Variants in SLC35F3 observed in about 807,000 individuals in gnomAD.
SLC35F3 encodes the protein solute carrier family 35 member F3.
Under a neutral mutation model 49.9 loss-of-function variants are expected in SLC35F3, and 25 were observed. The observed-to-expected ratio is 0.50, with a 90% CI of 0.37 to 0.70. SLC35F3 has a LOEUF of 0.70. SLC35F3 is among the 30% of genes least tolerant of loss of function. The pLI, the probability that SLC35F3 is intolerant of heterozygous loss-of-function variation, is 0.00. For missense variants in SLC35F3, 525 were observed against 639.8 expected (o/e 0.82, Z 1.94); for synonymous variants, 275 against 265.4 (o/e 1.04, Z -0.35).
chr1:234,111,236 T>G (rs1164840801), intron 2 of SLC35F3, among the ~76,000 whole-genome samples: 1 of 152,170 alleles, frequency 6.6e-6, no homozygotes, highest in Non-Finnish European at 1.5e-5. Flanking sequence ...TAGCTCCTGA[T>G]CTGTGTTCAT....
intron 2 of SLC35F3, among the ~76,000 whole-genome samples, chr1:234,099,584 T>G (rs1665183172): frequency 7.6e-6 from 1 of 132,268 alleles, no homozygotes; most frequent in African/African-American, 2.9e-5. Context: ...CACTCCAGCC[T>G]GGCAACAGAG....
intron 2 of SLC35F3, among the ~76,000 whole-genome samples, chr1:234,071,118 G>T (rs1664707278): frequency 1.3e-5 from 2 of 152,228 alleles, no homozygotes; most frequent in Non-Finnish European, 2.9e-5. Flanking sequence ...GGCCCTATGT[G>T]TGGAGAGGAC....
At chr1:234,200,560 A>G (rs944293420) in intron 2 of SLC35F3, among the ~76,000 whole-genome samples, 1 of 152,182 alleles carries the variant, frequency 6.6e-6, no homozygotes, top group African/African-American at 2.4e-5. Context: ...CACATTTTCC[A>G]AAAAACTTCC....
At chr1:234,205,556 C>G (rs1332621986) in intron 2 of SLC35F3, among the ~76,000 whole-genome samples, 1 of 152,178 alleles carries the variant, frequency 6.6e-6, no homozygotes, top group Non-Finnish European at 1.5e-5. Flanking sequence ...TGCTGGACTC[C>G]ACTAGGGCTC....
chr1:234,130,235 C>T (rs1665713833), intron 2 of SLC35F3, among the ~76,000 whole-genome samples: 1 of 152,084 alleles, frequency 6.6e-6, no homozygotes, highest in South Asian at 2.1e-4. Context: ...AATAAGTTAT[C>T]CAAATGGCCA....
Position 234,117,892 on chromosome 1 carries a change from GA to G in SLC35F3, c.284-113514del, listed in dbSNP as rs1230601740. Among the ~76,000 whole-genome samples the G allele has an allele frequency of 9.1e-4, 86 of 94,134 alleles. 3 individuals are homozygous for G. Among genetic ancestry groups the G allele is most frequent in the Non-Finnish European group, 1.2e-3 (57 of 46,376 alleles). 61.8% of individuals were successfully genotyped at this position (94,134 alleles called of 152,430 possible). A position where few individuals can be genotyped will look rare whatever the true frequency, so the allele number is the denominator to read the frequency against. On this transcript the variant is annotated intron_variant, in intron 2 of 7. Transcript: ENST00000366618. ...CAGAGTGAGACTCTGTCTCAAAAAA[GA>G]AAAAAAAAAAGACTATATATGTGTG...
At position 234,226,452 on chromosome 1, in the gene SLC35F3, T is replaced by G. The variant is rs115249151; in HGVS notation, c.284-4965T>G. On this transcript the variant is annotated intron_variant, in intron 2 of 7. Transcript: ENST00000366618. Reference sequence around the variant, plus strand: ...GGGGAAGCTCATAAAAGAAACATTATTGGTCTCTTGAAAGTTCAAAAGGGC... The same window carrying G: ...GGGGAAGCTCATAAAAGAAACATTAGTGGTCTCTTGAAAGTTCAAAAGGGC... Among the ~76,000 whole-genome samples the G allele has an allele frequency of 4.3e-3, 648 of 152,060 alleles. 3 individuals carry two copies. Among genetic ancestry groups the G allele is most frequent in the South Asian group, 0.011 (52 of 4,806 alleles).
intron 2 of SLC35F3, among the ~76,000 whole-genome samples, chr1:234,154,127 T>G (rs1666117032): frequency 1.3e-5 from 2 of 151,570 alleles, no homozygotes; most frequent in African/African-American, 4.8e-5. Flanking sequence ...TCCCAGCTAC[T>G]TAGGAGGCTG....
At chr1:234,120,890 A>G (rs776138322) in intron 2 of SLC35F3, among the ~76,000 whole-genome samples, 2 of 152,186 alleles carry the variant, frequency 1.3e-5, no homozygotes, top group African/African-American at 4.8e-5. Flanking sequence ...GCTAAATCTA[A>G]TCAATTCTCA....
At chr1:234,232,536 A>AAAAAG (rs1445546074) in intron 3 of SLC35F3, among the ~76,000 whole-genome samples, 6 of 138,542 alleles carry the variant, frequency 4.3e-5, no homozygotes, top group African/African-American at 7.7e-5. Context: ...AAAAAAAAAA[A>AAAAAG]AAAAGAAAAA....
chr1:233,955,139 A>C (rs367853969), intron 2 of SLC35F3, among the ~76,000 whole-genome samples: 1 of 152,104 alleles, frequency 6.6e-6, no homozygotes, highest in Non-Finnish European at 1.5e-5. Flanking sequence ...CCACCGCACC[A>C]GGCCAGTCTT....
intron 3 of SLC35F3, among the ~76,000 whole-genome samples, chr1:234,281,100 T>G (rs903734935): frequency 6.6e-6 from 1 of 151,720 alleles, no homozygotes; most frequent in African/African-American, 2.4e-5. Context: ...CATGCTCAAA[T>G]TCATATGCTG....
intron 2 of SLC35F3, among the ~76,000 whole-genome samples, chr1:233,931,823 A>G (rs1460309288): frequency 2.0e-5 from 3 of 152,204 alleles, no homozygotes; most frequent in Non-Finnish European, 4.4e-5. Flanking sequence ...AAATCATGCT[A>G]CTATAAAGAC....
At chr1:234,242,279 G>C (rs774913709) in intron 3 of SLC35F3, among the ~76,000 whole-genome samples, 2 of 152,174 alleles carry the variant, frequency 1.3e-5, no homozygotes, top group Non-Finnish European at 2.9e-5. Context: ...CTTGGGCCAG[G>C]CCTCCCTTCC....
chr1:234,054,231 A>T (rs1408542598), intron 2 of SLC35F3, among the ~76,000 whole-genome samples: 3 of 152,172 alleles, frequency 2.0e-5, no homozygotes, highest in Non-Finnish European at 4.4e-5. Flanking sequence ...TATCCTGCAA[A>T]GTGTTTTCCA....
Position 234,100,222 on chromosome 1 carries a change from C to G in SLC35F3, c.284-131195C>G, listed in dbSNP as rs565425821. On this transcript the variant is annotated intron_variant, in intron 2 of 7. Coordinates refer to ENST00000366618, the MANE Select transcript of SLC35F3 (RefSeq NM_173508.4). ...TCCACCCCCACTTTCTCCAATCCTACCTTTGAGTCAAGATTCTGAATGAAA... is the reference window on the plus strand; with the variant it reads ...TCCACCCCCACTTTCTCCAATCCTAGCTTTGAGTCAAGATTCTGAATGAAA... 1.6e-4 allele frequency among the ~76,000 whole-genome samples: 24 copies of G among 152,286 alleles called. 1 individual carries two copies. In the South Asian group the frequency reaches 5.0e-3, roughly 32 times the overall value.
intron 2 of SLC35F3, among the ~76,000 whole-genome samples, chr1:234,220,895 G>A (rs1054537547): frequency 3.3e-5 from 5 of 152,180 alleles, no homozygotes; most frequent in Admixed American, 3.3e-4. Context: ...GCAAACACAG[G>A]TATGTAGGAG....
intron 2 of SLC35F3, among the ~76,000 whole-genome samples, chr1:234,158,837 T>C (rs1371839161): frequency 6.6e-6 from 1 of 152,236 alleles, no homozygotes; most frequent in Non-Finnish European, 1.5e-5. Flanking sequence ...AAGAAATATA[T>C]GTAATCACTG....
chr1:234,169,860 C>T (rs529954765), intron 2 of SLC35F3, among the ~76,000 whole-genome samples: 5 of 152,158 alleles, frequency 3.3e-5, no homozygotes, highest in Non-Finnish European at 5.9e-5. Context: ...CTCCGCCTCC[C>T]GGGTTCACGC....
Sources: gnomAD v4.1 joint callset for allele counts (sites outside exome capture counted in the v4.1 genomes callset) on GRCh38, gnomAD v4.1.1 for gene constraint, MANE v1.5 for transcripts, NCBI Gene and HGNC (gene_info 2026-07-23, HGNC 2026-07-21) for gene names.